Variants in DNMT1 observed in about 807,000 individuals in gnomAD.
DNMT1 encodes the protein DNA methyltransferase 1.
DNMT1 carries 24 observed loss-of-function variants against 205.3 expected under a neutral mutation model. The ratio of observed to expected loss-of-function variants is 0.12; its 90% CI spans 0.08 to 0.16. The LOEUF is 0.16. Ranked by LOEUF, DNMT1 falls within the 10% of genes least tolerant of loss-of-function variation. DNMT1 has a pLI of 1.00. For missense variants in DNMT1, 1,293 were observed against 2,177.7 expected, an observed-to-expected ratio of 0.59 and a Z score of 8.09; for synonymous variants, 817 against 839.8, an observed-to-expected ratio of 0.97 and a Z score of 0.47.
chr19:10,159,824 G>C lies in DNMT1; in HGVS notation c.1170+18C>G. 1 of 1,614,220 alleles carries C rather than the reference G, an allele frequency of 6.2e-7. No homozygotes were observed. The highest frequency in any genetic ancestry group is 8.5e-7 in the Non-Finnish European group (1 of 1,180,038). On this transcript the variant is annotated intron_variant, in intron 16 of 40. Coordinates refer to ENST00000359526, the MANE Select transcript of DNMT1 (RefSeq NM_001130823.3). This position sits in a 1 kb window ranked among gnomAD's most constrained non-coding sequence, Gnocchi z 5.0. The stretch of plus-strand genomic sequence containing the variant: ...CAAGGGACAGGCAGAGGAAGGCTGG[G>C]AAGAGAGCTGTACGTACCGCGTCTG...
At chr19:10,194,563 A>G (rs2039366805) in intron 1 of DNMT1, 2 of 452,998 alleles carry the variant, frequency 4.4e-6, no homozygotes, top group Non-Finnish European at 7.9e-6. Context: ...GGATCAAAAG[A>G]GAACCCCCAC....
chr19:10,135,657 G>A, intron 39 of DNMT1, 79 bp downstream of exon 39: 1 of 1,480,782 alleles, frequency 6.8e-7, no homozygotes, highest in Non-Finnish European at 9.2e-7. Context: ...GGAAGTGACT[G>A]CGCTGGCCCC....
At chr19:10,193,165 G>A (rs1417897488) in intron 1 of DNMT1, among the ~76,000 whole-genome samples, 2 of 152,094 alleles carry the variant, frequency 1.3e-5, no homozygotes, top group Non-Finnish European at 2.9e-5. Context: ...ACCAGCCTGG[G>A]CAATATGGTG....
At position 10,135,253 on chromosome 19, in the gene DNMT1, A is replaced by AACCAGAT. The variant is rs547923758; in HGVS notation, c.4773+476_4773+482dup. Among the ~76,000 whole-genome samples, 27 of 147,144 alleles carry AACCAGAT rather than the reference A, an allele frequency of 1.8e-4. 1 individual carries two copies. Among genetic ancestry groups the AACCAGAT allele is most frequent in the African/African-American group, 5.6e-4 (22 of 39,480 alleles). On this transcript the variant is annotated intron_variant, in intron 39 of 40. Coordinates refer to ENST00000359526, the MANE Select transcript of DNMT1 (RefSeq NM_001130823.3). The stretch of plus-strand genomic sequence containing the variant: ...AAAGAGAGAGTGGCTGCTTCCCGAG[A>AACCAGAT]ACCAGATTCGGGGGGAGGGGTGAAA...
rs1031736076 is a variant in DNMT1, at chr19:10,138,243, C to G, written c.4115+196G>C. On this transcript the variant is annotated intron_variant, in intron 35 of 40. Transcript: ENST00000359526. This position sits in a 1 kb window ranked among gnomAD's most constrained non-coding sequence, Gnocchi z 4.1. ...CGGCTGGCCGCTCTGCACATGCTATCTACTAGGGAAGCAGATGATGCAGGG... is the reference window on the plus strand; with the variant it reads ...CGGCTGGCCGCTCTGCACATGCTATGTACTAGGGAAGCAGATGATGCAGGG... 1.3e-5 allele frequency among the ~76,000 whole-genome samples: 2 copies of G among 152,376 alleles called. No individual in the cohort carries two copies. The highest frequency in any genetic ancestry group is 1.3e-4 in the Admixed American group (2 of 15,314).
At position 10,149,883 on chromosome 19, in the gene DNMT1, T is replaced by G; in HGVS notation, c.2351A>C (p.Asp784Ala). ...EVGDCVSVIP[D>A]DSSKPLYLAR... The stretch of plus-strand genomic sequence containing the variant: ...TAGATACAGCGGTTTTGAGGAATCA[T>G]CTGGAATAACAGAGACACAGTCCCC... The change falls in exon 25 of 41, where the codon GAT (aspartate) becomes GCT (alanine). Residue 784 changes from aspartate to alanine, a missense_variant. This residue lies in a region of DNMT1 where 197 missense variants were observed against 353.6 expected (regional missense o/e 0.56). Transcript: ENST00000359526. 6.2e-7 allele frequency: 1 copy of G among 1,614,212 alleles called. No homozygotes were observed. The highest frequency in any genetic ancestry group is 8.5e-7 in the Non-Finnish European group (1 of 1,180,044).
At chr19:10,149,427 G>C (rs764531950) in intron 26 of DNMT1, 26 bp downstream of exon 26, 1 of 1,613,054 alleles carries the variant, frequency 6.2e-7, no homozygotes, top group South Asian at 1.1e-5. Flanking sequence ...TAAGGCAGGG[G>C]CTCACGAGGG....
rs2089589239 is a variant in DNMT1 at position 10,140,961 on chromosome 19, C to T, written c.3395-52G>A. 6.2e-7 allele frequency: 1 copy of T among 1,613,602 alleles called. No homozygotes were observed. Among genetic ancestry groups the T allele is most frequent in the Non-Finnish European group, 8.5e-7 (1 of 1,180,042 alleles). On this transcript the variant is annotated intron_variant, in intron 31 of 40. Transcript: ENST00000359526. This position sits in a 1 kb window ranked among gnomAD's most constrained non-coding sequence, Gnocchi z 8.4. ...CCCGATCCTCAGAGTCCAAGTCCACCTTGCTCTCAAGCGCCTTGTTAACTC... is the reference window on the plus strand; with the variant it reads ...CCCGATCCTCAGAGTCCAAGTCCACTTTGCTCTCAAGCGCCTTGTTAACTC...
At chr19:10,174,043 G>T in intron 7 of DNMT1, 138 bp from the exon 8 acceptor site, 1 of 861,582 alleles carries the variant, frequency 1.2e-6, no homozygotes, top group East Asian at 2.6e-5. Context: ...CCTGGGTTTT[G>T]GGGAGAAGAT....
At chr19:10,182,606 G>GTA (rs2039091541) in intron 1 of DNMT1, among the ~76,000 whole-genome samples, 1 of 149,534 alleles carries the variant, frequency 6.7e-6, no homozygotes, top group Non-Finnish European at 1.5e-5. Context: ...GTGTATATAT[G>GTA]TATGTATATA....
chr19:10,138,208 G>T lies in DNMT1; in HGVS notation c.4116-199C>A, dbSNP rs1022804378. The stretch of plus-strand genomic sequence containing the variant: ...GGCGTGGGCTTTGTGGATGACCACA[G>T]CCAAGCATGCGGCTGGCCGCTCTGC... On this transcript the variant is annotated intron_variant, in intron 35 of 40. Transcript: ENST00000359526. This position sits in a 1 kb window ranked among gnomAD's most constrained non-coding sequence, Gnocchi z 4.1. 1.3e-5 allele frequency among the ~76,000 whole-genome samples: 2 copies of T among 152,264 alleles called. No individual in the cohort carries two copies. The highest frequency in any genetic ancestry group is 4.8e-5 in the African/African-American group (2 of 41,478).
intron 1 of DNMT1, among the ~76,000 whole-genome samples, chr19:10,185,780 T>C (rs1400963316): frequency 6.8e-6 from 1 of 147,386 alleles, no homozygotes; most frequent in African/African-American, 2.5e-5. Flanking sequence ...CAGTGAGTTA[T>C]GATGGTACCA....
Position 10,142,482 on chromosome 19 carries a change from A to G in DNMT1, c.3117-262T>C, listed in dbSNP as rs147256343. ...CCCCCTAGTTAGGGAACCACAGGGTAAAGATCCCCCAAGTTAGGGAATCGC... is the reference window on the plus strand; with the variant it reads ...CCCCCTAGTTAGGGAACCACAGGGTGAAGATCCCCCAAGTTAGGGAATCGC... On this transcript the variant is annotated intron_variant, in intron 29 of 40. Transcript: ENST00000359526. Among the ~76,000 whole-genome samples, 32 of 149,674 alleles carry G rather than the reference A, an allele frequency of 2.1e-4. No individual in the cohort carries two copies. The East Asian group carries it at 6.2e-3, about 29-fold the overall frequency.
At chr19:10,187,485 T>TA (rs979702479) in intron 1 of DNMT1, among the ~76,000 whole-genome samples, 3 of 151,438 alleles carry the variant, frequency 2.0e-5, no homozygotes, top group Non-Finnish European at 4.4e-5. Flanking sequence ...CCTATAGTCT[T>TA]AGCTACTCGG....
intron 10 of DNMT1, 110 bp downstream of exon 10, chr19:10,168,220 G>A (rs905094264): frequency 8.0e-7 from 1 of 1,252,806 alleles, no homozygotes; most frequent in African/African-American, 1.5e-5. Flanking sequence ...CCACATAAGA[G>A]ACATATGATT....
intron 1 of DNMT1, among the ~76,000 whole-genome samples, chr19:10,192,773 T>G (rs4804494): frequency 0.12 from 17,836 of 151,888 alleles, 1,498 homozygotes; most frequent in East Asian, 0.4. Flanking sequence ...CACTAACTGG[T>G]TAAGAAGTGG....
intron 8 of DNMT1, 109 bp downstream of exon 8, chr19:10,173,762 G>A: frequency 2.4e-6 from 3 of 1,231,144 alleles, no homozygotes; most frequent in Non-Finnish European, 3.6e-6. Context: ...AAAGTGCTGA[G>A]ATTACAGGCA....
chr19:10,181,614 C>T (rs1188829492), intron 2 of DNMT1, among the ~76,000 whole-genome samples: 3 of 151,498 alleles, frequency 2.0e-5, no homozygotes, highest in Non-Finnish European at 4.4e-5. Context: ...GGGCAGATCA[C>T]GAGCAGGCGT....
At position 10,146,497 on chromosome 19, in the gene DNMT1, A is replaced by T; in HGVS notation, c.2748T>A (p.Ala916=). 1 of 1,614,120 alleles carries T rather than the reference A, an allele frequency of 6.2e-7. No homozygotes were observed. The highest frequency in any genetic ancestry group is 8.5e-7 in the Non-Finnish European group (1 of 1,180,030). Reference sequence around the variant, plus strand: ...TGGGGATTTCTTTTTGCCTCATCTCAGCCAGACGGGCACAGCTCACACAGA... The same window carrying T: ...TGGGGATTTCTTTTTGCCTCATCTCTGCCAGACGGGCACAGCTCACACAGA... ...FKFCVSCARL[A]EMRQKEIPRV... is the part of the protein sequence containing the mutation. Residue 916 remains alanine (A), a synonymous_variant, in exon 28 of 41, where the codon GCT becomes GCA. Coordinates refer to ENST00000359526, the MANE Select transcript of DNMT1 (RefSeq NM_001130823.3). The surrounding 1 kb of genome is among the most constrained non-coding windows in gnomAD (Gnocchi z 4.4).
Sources: allele counts gnomAD v4.1 joint callset (sites outside exome capture counted in the v4.1 genomes callset), GRCh38; gene constraint gnomAD v4.1.1; regional missense constraint gnomAD v4.1.1; non-coding constraint Gnocchi (gnomAD v3.1); transcripts MANE v1.5; gene names NCBI Gene and HGNC (gene_info 2026-07-23, HGNC 2026-07-21).